OR9Q1: variants seen among roughly 807,000 people sequenced by gnomAD.
OR9Q1 encodes olfactory receptor family 9 subfamily Q member 1, also known as olfactory receptor 9Q1.
For synonymous variants in OR9Q1, 153 were observed against 148.6 expected, an observed-to-expected ratio of 1.03 and a Z score of -0.22; for missense variants, 374 against 378.8, an observed-to-expected ratio of 0.99 and a Z score of 0.11.
At chr11:58,169,545 A>G (rs1175431492) in intron 2 of OR9Q1, among the ~76,000 whole-genome samples, 1 of 152,160 alleles carries the variant, frequency 6.6e-6, no homozygotes, top group Non-Finnish European at 1.5e-5. Context: ...TGTGCAACAA[A>G]AATAACTTCT....
chr11:58,119,506 A>C, intron 2 of OR9Q1: 3 of 1,128,184 alleles, frequency 2.7e-6, no homozygotes, highest in Non-Finnish European at 3.8e-6. Flanking sequence ...TCAGAATTGA[A>C]GGACAGAATC....
intron 2 of OR9Q1, among the ~76,000 whole-genome samples, chr11:58,089,236 A>G (rs1279800867): frequency 1.3e-5 from 2 of 151,858 alleles, no homozygotes; most frequent in South Asian, 2.1e-4. Flanking sequence ...TATGTCTTCA[A>G]TAATATTGCC....
intron 1 of OR9Q1, among the ~76,000 whole-genome samples, chr11:58,055,262 AG>A (rs1853316262): frequency 6.6e-6 from 1 of 152,108 alleles, no homozygotes; most frequent in African/African-American, 2.4e-5. Context: ...AACACTAAAA[AG>A]GTGTTTACTG....
chr11:58,079,471 T>C (rs569766563), intron 2 of OR9Q1, among the ~76,000 whole-genome samples: 1 of 152,206 alleles, frequency 6.6e-6, no homozygotes, highest in South Asian at 2.1e-4. Flanking sequence ...CTAAAATAGT[T>C]TGTAGGAGAT....
At chr11:58,079,484 C>T (rs1242389597) in intron 2 of OR9Q1, among the ~76,000 whole-genome samples, 1 of 151,994 alleles carries the variant, frequency 6.6e-6, no homozygotes, top group Admixed American at 6.6e-5. Flanking sequence ...TAGGAGATTG[C>T]AAAAGTGGCC....
chr11:58,109,777 G>A, intron 2 of OR9Q1: 1 of 351,942 alleles, frequency 2.8e-6, no homozygotes, highest in Admixed American at 3.8e-5. Flanking sequence ...TCTGCTCAGA[G>A]AGAAAAAAAG....
chr11:58,058,422 C>T (rs995788992), intron 2 of OR9Q1, among the ~76,000 whole-genome samples: 4 of 152,154 alleles, frequency 2.6e-5, no homozygotes, highest in Non-Finnish European at 5.9e-5. Flanking sequence ...AGACTGTTGC[C>T]TGGCTACACG....
chr11:58,075,088 G>A (rs765203454), intron 2 of OR9Q1, among the ~76,000 whole-genome samples: 16 of 152,062 alleles, frequency 1.1e-4, no homozygotes, highest in Non-Finnish European at 2.4e-4. Context: ...TGGCTCTACG[G>A]GATATTTTTT....
intron 2 of OR9Q1, among the ~76,000 whole-genome samples, chr11:58,065,646 A>G (rs72919837): frequency 0.17 from 25,698 of 152,164 alleles, 2,327 homozygotes; most frequent in Non-Finnish European, 0.21. Flanking sequence ...CCATGAAGAT[A>G]CATCTTGCCT....
At chr11:58,079,615 C>T (rs1853570428) in intron 2 of OR9Q1, among the ~76,000 whole-genome samples, 1 of 152,080 alleles carries the variant, frequency 6.6e-6, no homozygotes, top group Non-Finnish European at 1.5e-5. Context: ...CCAGTTGTAG[C>T]TCTAGGCCTC....
chr11:58,095,454 A>G (rs1302464606), intron 2 of OR9Q1, among the ~76,000 whole-genome samples: 1 of 152,242 alleles, frequency 6.6e-6, no homozygotes, highest in Non-Finnish European at 1.5e-5. Context: ...GCTATGAAGA[A>G]ATATTCGAGA....
chr11:58,034,334 A>G (rs1424270378), intron 1 of OR9Q1, among the ~76,000 whole-genome samples: 3 of 151,516 alleles, frequency 2.0e-5, no homozygotes, highest in Non-Finnish European at 4.4e-5. Context: ...TGATCTGCCC[A>G]CCTCGGCCTC....
intron 2 of OR9Q1, among the ~76,000 whole-genome samples, chr11:58,105,517 C>T (rs1205186627): frequency 6.6e-6 from 1 of 152,126 alleles, no homozygotes; most frequent in Non-Finnish European, 1.5e-5. Flanking sequence ...TACATGAGAT[C>T]TACCCTCTTC....
At chr11:58,082,581 C>CA (rs1853597768) in intron 2 of OR9Q1, among the ~76,000 whole-genome samples, 1 of 93,044 alleles carries the variant, frequency 1.1e-5, no homozygotes, top group African/African-American at 4.4e-5. Context: ...GATCATCACA[C>CA]TCTGGGGCCT....
chr11:58,150,485 T>C (rs1457551758), intron 2 of OR9Q1, among the ~76,000 whole-genome samples: 1 of 152,220 alleles, frequency 6.6e-6, no homozygotes, highest in Admixed American at 6.5e-5. Context: ...GCATGAGTTC[T>C]TTGTATGTAG....
At chr11:58,076,110 T>C (rs1853536508) in intron 2 of OR9Q1, among the ~76,000 whole-genome samples, 1 of 152,234 alleles carries the variant, frequency 6.6e-6, no homozygotes. Flanking sequence ...CCTAAAATGT[T>C]TACTCTCTGG....
intron 2 of OR9Q1, among the ~76,000 whole-genome samples, chr11:58,115,331 C>A (rs1178629111): frequency 2.0e-5 from 3 of 151,934 alleles, no homozygotes; most frequent in African/African-American, 7.3e-5. Context: ...AGATCTAAAG[C>A]AAATAAAGCA....
intron 2 of OR9Q1, among the ~76,000 whole-genome samples, chr11:58,112,841 G>A (rs1377009462): frequency 1.3e-5 from 2 of 152,142 alleles, no homozygotes; most frequent in Non-Finnish European, 2.9e-5. Flanking sequence ...CCAGTGTTTA[G>A]GGATCACTCA....
chr11:58,172,901 T>C (rs920344494), intron 2 of OR9Q1, among the ~76,000 whole-genome samples: 9 of 152,204 alleles, frequency 5.9e-5, no homozygotes, highest in Non-Finnish European at 1.3e-4. Context: ...TGCTATCACA[T>C]ACTAGGTCTA....
Sources: allele counts gnomAD v4.1 joint callset (sites outside exome capture counted in the v4.1 genomes callset), GRCh38; gene constraint gnomAD v4.1.1; transcripts MANE v1.5; gene names NCBI Gene and HGNC (gene_info 2026-07-23, HGNC 2026-07-21).